The following KIAA0319 variants were observed in gnomAD, a reference collection of about 807,000 sequenced individuals.
KIAA0319 encodes dyslexia-associated protein KIAA0319.
KIAA0319 carries 83 observed loss-of-function variants against 108.4 expected under a neutral mutation model. The ratio of observed to expected loss-of-function variants is 0.77; its 90% CI spans 0.64 to 0.92. The LOEUF (loss-of-function observed/expected upper bound fraction) is 0.92. KIAA0319 is among the 40% of genes least tolerant of loss of function. The probability of loss-of-function intolerance (pLI) is 0.00; values close to 1 mark genes in which losing one functional copy is unlikely to be tolerated. For missense variants in KIAA0319, 1,195 were observed against 1,322.4 expected, an observed-to-expected ratio of 0.90 and a Z score of 1.49; for synonymous variants, 484 against 510.4, an observed-to-expected ratio of 0.95 and a Z score of 0.70.
intron 11 of KIAA0319, among the ~76,000 whole-genome samples, 180 bp from the exon 12 acceptor site, chr6:24,570,215 A>G (rs1273535050): frequency 1.3e-5 from 2 of 152,248 alleles, no homozygotes; most frequent in African/African-American, 4.8e-5. Context: ...GGAGTTGAAC[A>G]GTCCAAGTTC....
intron 11 of KIAA0319, among the ~76,000 whole-genome samples, chr6:24,572,100 T>C (rs565918285): frequency 6.6e-6 from 1 of 152,378 alleles, no homozygotes; most frequent in East Asian, 1.9e-4. Context: ...AACAGAACTC[T>C]TCTAGAAAAG....
intron 20 of KIAA0319, among the ~76,000 whole-genome samples, chr6:24,550,884 A>C (rs1761384918): frequency 6.6e-6 from 1 of 152,138 alleles, no homozygotes. Context: ...TAATGCCTCA[A>C]AGTATTACAC....
chr6:24,615,036 T>C (rs1008407351), intron 1 of KIAA0319, among the ~76,000 whole-genome samples: 2 of 152,234 alleles, frequency 1.3e-5, no homozygotes, highest in African/African-American at 4.8e-5. Flanking sequence ...GAATAAATGA[T>C]TGATAAATCT....
At chr6:24,555,137 G>A (rs1222312702) in intron 18 of KIAA0319, among the ~76,000 whole-genome samples, 3 of 152,086 alleles carry the variant, frequency 2.0e-5, no homozygotes, top group East Asian at 3.8e-4. Flanking sequence ...GAAATCTAAC[G>A]TGAAAAGCTT....
At chr6:24,608,374 G>A (rs1378183702) in intron 1 of KIAA0319, among the ~76,000 whole-genome samples, 1 of 151,970 alleles carries the variant, frequency 6.6e-6, no homozygotes, top group Non-Finnish European at 1.5e-5. Context: ...TTAAAATGGT[G>A]CTGGCAGAAT....
chr6:24,542,346 C>G (rs1057005188), downstream of KIAA0319, among the ~76,000 whole-genome samples: 2 of 152,210 alleles, frequency 1.3e-5, no homozygotes, highest in African/African-American at 4.8e-5. Context: ...AAGCATTTAT[C>G]TCAACAAAAT....
At chr6:24,602,451 G>A (rs1047974468) in intron 1 of KIAA0319, among the ~76,000 whole-genome samples, 3 of 152,218 alleles carry the variant, frequency 2.0e-5, no homozygotes, top group Non-Finnish European at 4.4e-5. Flanking sequence ...ATGCAGAACC[G>A]GGGTCAGAGG....
At chr6:24,594,929 T>G (rs1769219037) in intron 3 of KIAA0319, among the ~76,000 whole-genome samples, 1 of 152,086 alleles carries the variant, frequency 6.6e-6, no homozygotes. Flanking sequence ...CCAACTACTC[T>G]CTCCTCACCA....
intron 4 of KIAA0319, among the ~76,000 whole-genome samples, chr6:24,585,925 C>T (rs1253788237): frequency 6.6e-6 from 1 of 152,120 alleles, no homozygotes; most frequent in Non-Finnish European, 1.5e-5. Flanking sequence ...CCTGTCTCTA[C>T]TAAAAATACA....
At chr6:24,548,945 G>T (rs1317703271) in intron 20 of KIAA0319, among the ~76,000 whole-genome samples, 1 of 152,178 alleles carries the variant, frequency 6.6e-6, no homozygotes, top group Non-Finnish European at 1.5e-5. Flanking sequence ...ACAAATTCAT[G>T]TGTTGAAATC....
chr6:24,564,479 G>A, intron 14 of KIAA0319, 139 bp from the exon 15 acceptor site: 1 of 1,066,152 alleles, frequency 9.4e-7, no homozygotes. Flanking sequence ...GAATGAGGCT[G>A]GCGGGATAGC....
chr6:24,630,012 C>G (rs1384640183), intron 1 of KIAA0319, among the ~76,000 whole-genome samples: 1 of 152,066 alleles, frequency 6.6e-6, no homozygotes, highest in Non-Finnish European at 1.5e-5. Context: ...AACCCCATCT[C>G]TACTAAAAAT....
In KIAA0319 at chr6:24,576,553, C is replaced by A; in HGVS notation, c.1549G>T (p.Ala517Ser). The change falls in exon 10 of 21, where the codon GCA becomes TCA. Residue 517 changes from alanine (A) to serine (S), a missense_variant. Physicochemically the swap from Ala to Ser is moderately conservative, Grantham distance 99. Coordinates refer to ENST00000378214, the MANE Select transcript of KIAA0319 (RefSeq NM_014809.4). ...ACAGCATTGTTCACTATTAGGGCTG[C>A]AGTTGTAGAGTTAGTGGCTCCGTCC... Reference protein sequence around the residue: ...DSDGATNSTTAALIVNNAVDY... With the variant: ...DSDGATNSTTSALIVNNAVDY... 6.2e-7 allele frequency: 1 copy of A among 1,614,108 alleles called. No individual in the cohort carries two copies. The highest frequency in any genetic ancestry group is 8.5e-7 in the Non-Finnish European group (1 of 1,179,992).
intron 1 of KIAA0319, among the ~76,000 whole-genome samples, chr6:24,625,195 G>C (rs540627578): frequency 6.6e-6 from 1 of 152,238 alleles, no homozygotes; most frequent in African/African-American, 2.4e-5. Flanking sequence ...TTGCTTTTCA[G>C]ATAAATGACA....
intron 20 of KIAA0319, 117 bp from the exon 21 acceptor site, chr6:24,547,460 G>T: frequency 1.2e-6 from 1 of 838,466 alleles, no homozygotes; most frequent in Non-Finnish European, 1.8e-6. Context: ...CCCCTTGAAA[G>T]CAATCACTCA....
intron 1 of KIAA0319, among the ~76,000 whole-genome samples, chr6:24,642,398 T>C (rs1777082576): frequency 6.6e-6 from 1 of 152,174 alleles, no homozygotes; most frequent in African/African-American, 2.4e-5. Context: ...ATGTACTTCA[T>C]CTTAATGATG....
At position 24,572,568 on chromosome 6, in the gene KIAA0319, C is replaced by T; in HGVS notation, c.1858+7G>A. ...TCTGAGGCCAAATCTCTTTCTCCTC[C>T]ACCTACCAGGCTGGACAATCACAGT... On this transcript the variant is annotated splice_region_variant and intron_variant, in intron 11 of 20. Transcript: ENST00000378214. 1 of 1,608,690 alleles carries T rather than the reference C, an allele frequency of 6.2e-7. No individual in the cohort carries two copies. The highest frequency in any genetic ancestry group is 8.5e-7 in the Non-Finnish European group (1 of 1,178,570).
intron 1 of KIAA0319, among the ~76,000 whole-genome samples, chr6:24,642,246 AAAAG>A (rs1188203589): frequency 2.6e-5 from 4 of 151,768 alleles, no homozygotes; most frequent in East Asian, 3.9e-4. Context: ...AGAAAAAAAG[AAAAG>A]AAAGAAAGGG....
intron 10 of KIAA0319, among the ~76,000 whole-genome samples, chr6:24,575,540 C>G (rs1765354691): frequency 6.6e-6 from 1 of 152,102 alleles, no homozygotes; most frequent in African/African-American, 2.4e-5. Flanking sequence ...CCAGACAACT[C>G]ATGGCTCTTT....
Sources: gnomAD v4.1 joint callset for allele counts (sites outside exome capture counted in the v4.1 genomes callset) on GRCh38, gnomAD v4.1.1 for gene constraint, MANE v1.5 for transcripts, NCBI Gene and HGNC (gene_info 2026-07-23, HGNC 2026-07-21) for gene names.